Variants in TRAPPC9 observed in about 807,000 individuals in gnomAD.
TRAPPC9 encodes the protein trafficking protein particle complex subunit 9, also known as IKK2 binding protein.
A neutral mutation model predicts 124.0 loss-of-function variants in TRAPPC9; 83 were observed. The ratio of observed to expected loss-of-function variants is 0.67; its 90% CI spans 0.56 to 0.80. The LOEUF (loss-of-function observed/expected upper bound fraction) is 0.80, where lower values mean the gene tolerates loss of function less well. Ranked by LOEUF, TRAPPC9 falls within the 30% of genes least tolerant of loss-of-function variation. The probability of loss-of-function intolerance (pLI) is 0.00; values close to 1 mark genes in which losing one functional copy is unlikely to be tolerated. For missense variants in TRAPPC9, 1,302 were observed against 1,508.3 expected (o/e 0.86, Z 2.27); for synonymous variants, 638 against 617.5 (o/e 1.03, Z -0.49).
intron 18 of TRAPPC9, among the ~76,000 whole-genome samples, chr8:140,009,166 T>C (rs1402864501): frequency 6.6e-6 from 1 of 152,126 alleles, no homozygotes; most frequent in East Asian, 1.9e-4. Context: ...AAAAGGAAAG[T>C]CTTAAGTCCT....
intron 5 of TRAPPC9, among the ~76,000 whole-genome samples, chr8:140,425,262 T>G (rs2070382638): frequency 6.6e-6 from 1 of 152,218 alleles, no homozygotes; most frequent in African/African-American, 2.4e-5. Flanking sequence ...GGCATCTCAT[T>G]CTCTTTACTC....
intron 16 of TRAPPC9, among the ~76,000 whole-genome samples, chr8:140,233,636 C>CACACACACACACAT (rs2063660820): frequency 6.9e-6 from 1 of 145,636 alleles, no homozygotes; most frequent in Non-Finnish European, 1.5e-5. Flanking sequence ...CACACACACA[C>CACACACACACACAT]ACACACACAC....
At chr8:140,430,451 C>A (rs2070599398) in intron 4 of TRAPPC9, among the ~76,000 whole-genome samples, 1 of 152,096 alleles carries the variant, frequency 6.6e-6, no homozygotes, top group Non-Finnish European at 1.5e-5. Context: ...GGCATGTGAA[C>A]CCCTTCTTTT....
chr8:140,301,364 G>A (rs555974949), intron 10 of TRAPPC9, among the ~76,000 whole-genome samples: 7 of 152,360 alleles, frequency 4.6e-5, no homozygotes, highest in African/African-American at 7.2e-5. Flanking sequence ...CACTGCATAT[G>A]TATTCTCTCA....
At chr8:140,432,671 T>C (rs1228625662) in intron 4 of TRAPPC9, among the ~76,000 whole-genome samples, 2 of 151,354 alleles carry the variant, frequency 1.3e-5, no homozygotes, top group Non-Finnish European at 2.9e-5. Flanking sequence ...AGGAGATCGA[T>C]ACCATCCTGG....
intron 12 of TRAPPC9, among the ~76,000 whole-genome samples, chr8:140,290,552 C>CGTG (rs5895636): frequency 6.6e-6 from 1 of 151,534 alleles, no homozygotes; most frequent in Non-Finnish European, 1.5e-5. Flanking sequence ...AGAGAAAGCT[C>CGTG]GTGGTGGTGG....
intron 18 of TRAPPC9, among the ~76,000 whole-genome samples, chr8:140,001,729 G>A (rs553549794): frequency 6.6e-6 from 1 of 152,098 alleles, no homozygotes; most frequent in African/African-American, 2.4e-5. Flanking sequence ...TTTCTTGAAA[G>A]TCACAAACTA....
At chr8:139,784,383 G>A (rs1264419424) in intron 21 of TRAPPC9, among the ~76,000 whole-genome samples, 1 of 151,882 alleles carries the variant, frequency 6.6e-6, no homozygotes, top group African/African-American at 2.4e-5. Flanking sequence ...AGACCAGCCT[G>A]GCCAACATGG....
intron 17 of TRAPPC9, among the ~76,000 whole-genome samples, chr8:140,109,532 C>T (rs939382735): frequency 6.6e-6 from 1 of 152,098 alleles, no homozygotes; most frequent in African/African-American, 2.4e-5. Context: ...TTACTAGCTG[C>T]ATGACCTTGA....
chr8:139,929,456 C>T (rs949624120), intron 19 of TRAPPC9, among the ~76,000 whole-genome samples: 2 of 152,128 alleles, frequency 1.3e-5, no homozygotes, highest in South Asian at 2.1e-4. Flanking sequence ...AGGGAGGGGG[C>T]CGAGCGTGGT....
intron 19 of TRAPPC9, among the ~76,000 whole-genome samples, chr8:139,954,613 A>C (rs1834861821): frequency 6.6e-6 from 1 of 152,230 alleles, no homozygotes; most frequent in Non-Finnish European, 1.5e-5. Context: ...AATCATCTAA[A>C]TGGCCATTTG....
chr8:140,197,691 C>T (rs1382022682), intron 17 of TRAPPC9, among the ~76,000 whole-genome samples: 2 of 152,120 alleles, frequency 1.3e-5, no homozygotes, highest in African/African-American at 4.8e-5. Flanking sequence ...TTAATGAGCT[C>T]CCTGTTGCTT....
chr8:139,874,467 A>G (rs1389944367), intron 21 of TRAPPC9, among the ~76,000 whole-genome samples: 1 of 152,242 alleles, frequency 6.6e-6, no homozygotes, highest in Non-Finnish European at 1.5e-5. Flanking sequence ...GGGGTGGGGA[A>G]ACGCGCAGGC....
intron 2 of TRAPPC9, among the ~76,000 whole-genome samples, chr8:140,447,382 G>A (rs1463151740): frequency 6.6e-6 from 1 of 152,124 alleles, no homozygotes; most frequent in African/African-American, 2.4e-5. Flanking sequence ...CTATGAGAAG[G>A]CAGCACATAG....
At chr8:139,896,299 A>G (rs1830664771) in intron 20 of TRAPPC9, among the ~76,000 whole-genome samples, 1 of 152,174 alleles carries the variant, frequency 6.6e-6, no homozygotes, top group Non-Finnish European at 1.5e-5. Context: ...GGACCCTGGC[A>G]TTTGGAGCAA....
intron 17 of TRAPPC9, among the ~76,000 whole-genome samples, chr8:140,061,347 T>G (rs1415263861): frequency 6.6e-6 from 1 of 152,230 alleles, no homozygotes; most frequent in Non-Finnish European, 1.5e-5. Flanking sequence ...ATTTTAATTT[T>G]GATTCTTCTA....
At chr8:140,403,697 G>A (rs2069362558) in intron 6 of TRAPPC9, among the ~76,000 whole-genome samples, 1 of 150,814 alleles carries the variant, frequency 6.6e-6, no homozygotes, top group African/African-American at 2.4e-5. Context: ...TCACTCTGTA[G>A]CCTAAGCTGC....
chr8:139,772,178 G>A (rs1360260037), intron 21 of TRAPPC9, among the ~76,000 whole-genome samples: 6 of 152,218 alleles, frequency 3.9e-5, no homozygotes, highest in African/African-American at 1.4e-4. Context: ...GCCCACACGT[G>A]TGCACATGTG....
At chr8:140,058,100 C>T (rs142188035) in intron 17 of TRAPPC9, among the ~76,000 whole-genome samples, 25 of 152,354 alleles carry the variant, frequency 1.6e-4, no homozygotes, top group African/African-American at 5.3e-4. Context: ...TTCTGGGACA[C>T]TGTCCTGTTT....
Sources: allele counts gnomAD v4.1 joint callset (sites outside exome capture counted in the v4.1 genomes callset), GRCh38; gene constraint gnomAD v4.1.1; transcripts MANE v1.5; gene names NCBI Gene and HGNC (gene_info 2026-07-23, HGNC 2026-07-21).